SGCZ: variants seen among roughly 807,000 people sequenced by gnomAD.
The protein encoded by SGCZ is zeta-sarcoglycan.
In SGCZ, 40 loss-of-function variants were observed where a neutral mutation model predicts 41.3. The observed-to-expected ratio is 0.97, with a 90% CI of 0.75 to 1.26. SGCZ has a LOEUF of 1.26. Ranked by LOEUF, SGCZ falls within the 50% of genes most tolerant of loss-of-function variation. The pLI, the probability that SGCZ is intolerant of heterozygous loss-of-function variation, is 0.00. For missense variants in SGCZ, 552 were observed against 369.8 expected, an observed-to-expected ratio of 1.49 and a Z score of -4.04; for synonymous variants, 206 against 137.5, an observed-to-expected ratio of 1.50 and a Z score of -3.49.
In SGCZ at chr8:14,851,368, CAAAAAAAAAAAA is replaced by C. The variant is rs369090223; in HGVS notation, c.40-296454_40-296443del. ...TGGGCGACAGAGCGAGACTCCATCT[CAAAAAAAAAAAA>C]AAAAAAAAAAGAAAAAAAGAAAAAA... On this transcript the variant is annotated intron_variant, in intron 1 of 7. Transcript: ENST00000382080. Among the ~76,000 whole-genome samples, 384 of 61,924 alleles carry C rather than the reference CAAAAAAAAAAAA, an allele frequency of 6.2e-3. 1 individual carries two copies. The highest frequency in any genetic ancestry group is 8.8e-3 in the Admixed American group (36 of 4,068). 40.6% of individuals were successfully genotyped at this position (61,924 alleles called of 152,430 possible). A position where few individuals can be genotyped will look rare whatever the true frequency, so the allele number is the denominator to read the frequency against.
intron 1 of SGCZ, among the ~76,000 whole-genome samples, chr8:14,934,298 G>A (rs1016077473): frequency 1.3e-5 from 2 of 151,862 alleles, no homozygotes; most frequent in African/African-American, 4.9e-5. Flanking sequence ...TGGGACTACT[G>A]TATATAAAAT....
chr8:14,192,233 T>C (rs1047545922), intron 4 of SGCZ, among the ~76,000 whole-genome samples: 4 of 152,040 alleles, frequency 2.6e-5, no homozygotes, highest in Non-Finnish European at 1.5e-5. Context: ...GCAATTATTA[T>C]GCTTACCAAA....
chr8:15,198,026 T>C (rs578261344), intron 1 of SGCZ, among the ~76,000 whole-genome samples: 2 of 148,606 alleles, frequency 1.3e-5, no homozygotes, highest in South Asian at 4.2e-4. Context: ...ATATGTATTA[T>C]GTTACATTAT....
At chr8:14,539,215 A>G (rs1803384636) in intron 2 of SGCZ, among the ~76,000 whole-genome samples, 1 of 151,994 alleles carries the variant, frequency 6.6e-6, no homozygotes, top group African/African-American at 2.4e-5. Context: ...CTCCCGCCAA[A>G]TGGCCTAACC....
intron 1 of SGCZ, among the ~76,000 whole-genome samples, chr8:14,974,904 C>T (rs1801415164): frequency 6.6e-6 from 1 of 151,630 alleles, no homozygotes; most frequent in South Asian, 2.1e-4. Context: ...CATCACTCTG[C>T]CTCCAATCTG....
chr8:14,365,547 G>C (rs565352509), intron 2 of SGCZ, among the ~76,000 whole-genome samples: 13 of 151,960 alleles, frequency 8.6e-5, no homozygotes, highest in Non-Finnish European at 1.8e-4. Context: ...CTCAGGTTTT[G>C]GCAACTACTT....
chr8:14,888,512 C>G (rs1804894666), intron 1 of SGCZ, among the ~76,000 whole-genome samples: 1 of 152,094 alleles, frequency 6.6e-6, no homozygotes. Context: ...GTATCATGAG[C>G]AACAATGAAC....
chr8:14,248,244 C>T (rs1321443026), intron 3 of SGCZ, among the ~76,000 whole-genome samples: 1 of 152,066 alleles, frequency 6.6e-6, no homozygotes, highest in Non-Finnish European at 1.5e-5. Flanking sequence ...GTATTGCATG[C>T]TTATGGCTTG....
chr8:14,852,532 G>C (rs1264438596), intron 1 of SGCZ, among the ~76,000 whole-genome samples: 2 of 152,082 alleles, frequency 1.3e-5, no homozygotes, highest in Non-Finnish European at 2.9e-5. Flanking sequence ...GTACACACCA[G>C]CCCAAAGTAA....
intron 1 of SGCZ, among the ~76,000 whole-genome samples, chr8:14,585,190 G>A (rs1230914543): frequency 6.6e-6 from 1 of 152,040 alleles, no homozygotes; most frequent in Admixed American, 6.6e-5. Context: ...TTTAGCTTCG[G>A]CGTTAAATGT....
chr8:14,907,754 A>C (rs1370741215), intron 1 of SGCZ, among the ~76,000 whole-genome samples: 1 of 152,190 alleles, frequency 6.6e-6, no homozygotes, highest in East Asian at 1.9e-4. Flanking sequence ...CAACCTATAT[A>C]AGCTACATGC....
intron 1 of SGCZ, among the ~76,000 whole-genome samples, chr8:14,601,196 C>T (rs1433954583): frequency 4.0e-5 from 6 of 151,828 alleles, no homozygotes; most frequent in Admixed American, 3.9e-4. Context: ...TTATTCATTT[C>T]ACTGCTAATT....
chr8:14,332,968 G>A (rs1194218533), intron 2 of SGCZ, among the ~76,000 whole-genome samples: 5 of 150,478 alleles, frequency 3.3e-5, no homozygotes, highest in Middle Eastern at 3.5e-3. Flanking sequence ...GTTCACATAC[G>A]AAATGGAGAA....
rs149424927 is a variant in SGCZ at position 14,797,355 on chromosome 8, C to A, written c.40-242429G>T. Among the ~76,000 whole-genome samples the A allele has an allele frequency of 7.5e-3, 1,134 of 152,116 alleles. 13 individuals are homozygous for A. The highest frequency in any genetic ancestry group is 0.025 in the African/African-American group (1,048 of 41,514). ...AAGCTGAGATGGTCTCAGATGGAGACGAGGAACTTGTTGGTAAATGGAGCA... is the reference window on the plus strand; with the variant it reads ...AAGCTGAGATGGTCTCAGATGGAGAAGAGGAACTTGTTGGTAAATGGAGCA... On this transcript the variant is annotated intron_variant, in intron 1 of 7. Coordinates refer to ENST00000382080, the MANE Select transcript of SGCZ (RefSeq NM_139167.4).
chr8:14,990,803 C>T (rs1051623182), intron 1 of SGCZ, among the ~76,000 whole-genome samples: 4 of 152,082 alleles, frequency 2.6e-5, no homozygotes, highest in Non-Finnish European at 5.9e-5. Context: ...GAAAGTTGTC[C>T]ATCCCTGGTG....
chr8:15,039,785 G>T (rs956005951), intron 1 of SGCZ, among the ~76,000 whole-genome samples: 2 of 152,122 alleles, frequency 1.3e-5, no homozygotes, highest in East Asian at 3.9e-4. Flanking sequence ...TGAGAACCAG[G>T]AATACGAATA....
At chr8:14,181,132 G>A (rs1046617165) in intron 4 of SGCZ, among the ~76,000 whole-genome samples, 1 of 152,104 alleles carries the variant, frequency 6.6e-6, no homozygotes, top group African/African-American at 2.4e-5. Flanking sequence ...AGGGCCAACG[G>A]GAGAAAACCC....
intron 7 of SGCZ, among the ~76,000 whole-genome samples, chr8:14,101,183 A>G (rs774230298): frequency 2.0e-5 from 3 of 152,136 alleles, no homozygotes; most frequent in Non-Finnish European, 4.4e-5. Flanking sequence ...TAAAAGCTCA[A>G]TGTATGGATA....
intron 1 of SGCZ, among the ~76,000 whole-genome samples, chr8:14,628,739 A>G (rs1806545731): frequency 6.6e-6 from 1 of 152,114 alleles, no homozygotes; most frequent in African/African-American, 2.4e-5. Flanking sequence ...CATAACCTAA[A>G]AATTGAAAAT....
Sources: allele counts gnomAD v4.1 joint callset (sites outside exome capture counted in the v4.1 genomes callset), GRCh38; gene constraint gnomAD v4.1.1; transcripts MANE v1.5; gene names NCBI Gene and HGNC (gene_info 2026-07-23, HGNC 2026-07-21).